ACSBG1: variants seen among roughly 807,000 people sequenced by gnomAD.
ACSBG1 encodes the protein long-chain-fatty-acid--CoA ligase ACSBG1.
ACSBG1 carries 39 observed loss-of-function variants against 80.2 expected under a neutral mutation model. The observed-to-expected ratio is 0.49, with a 90% CI of 0.38 to 0.64. The LOEUF (loss-of-function observed/expected upper bound fraction) is 0.64, where lower values mean the gene tolerates loss of function less well. ACSBG1 is among the 30% of genes least tolerant of loss of function. ACSBG1 has a pLI of 0.00. For synonymous variants in ACSBG1, 392 were observed against 379.5 expected (o/e 1.03, Z -0.38); for missense variants, 828 against 966.4 (o/e 0.86, Z 1.90).
intron 1 of ACSBG1, among the ~76,000 whole-genome samples, chr15:78,215,724 G>GAGAAAGAAAGAAAGGAAGAA (rs1555434002): frequency 4.3e-5 from 5 of 116,554 alleles, no homozygotes; most frequent in African/African-American, 1.6e-4. Flanking sequence ...AAGAAAGAAA[G>GAGAAAGAAAGAAAGGAAGAA]AGAAAGAAAG....
intron 2 of ACSBG1, 75 bp from the exon 3 acceptor site, chr15:78,194,801 A>G (rs923350531): frequency 2.0e-6 from 3 of 1,468,630 alleles, no homozygotes; most frequent in Non-Finnish European, 2.8e-6. Context: ...CAGAGCTCGC[A>G]GCCCGTCTGG....
chr15:78,188,695 A>AC (rs1334414829), intron 5 of ACSBG1, among the ~76,000 whole-genome samples: 7 of 143,256 alleles, frequency 4.9e-5, no homozygotes, highest in African/African-American at 1.6e-4. Flanking sequence ...TAAAGACTTA[A>AC]ACGTTAGACC....
At chr15:78,193,679 C>T in intron 4 of ACSBG1, 53 bp from the exon 5 acceptor site, 3 of 1,571,354 alleles carry the variant, frequency 1.9e-6, no homozygotes, top group Non-Finnish European at 2.6e-6. Flanking sequence ...GGGGCCACCC[C>T]CTTCCCCCAC....
Position 78,178,483 on chromosome 15 carries a change from G to T in ACSBG1, c.1702+131C>A, listed in dbSNP as rs1204302735. 4.0e-6 allele frequency: 4 copies of T among 999,848 alleles called. No individual in the cohort carries two copies. Among genetic ancestry groups the T allele is most frequent in the Non-Finnish European group, 5.7e-6 (4 of 706,896 alleles). 61.9% of individuals were successfully genotyped at this position (999,848 alleles called of 1,614,324 possible). A position where few individuals can be genotyped will look rare whatever the true frequency, so the allele number is the denominator to read the frequency against. On this transcript the variant is annotated intron_variant, in intron 11 of 13. Coordinates refer to ENST00000258873, the MANE Select transcript of ACSBG1 (RefSeq NM_015162.5). The surrounding 1 kb of genome is among the most constrained non-coding windows in gnomAD (Gnocchi z 4.3). The stretch of plus-strand genomic sequence containing the variant: ...CCAGCTAATTTTTCGTGTGTTTTTA[G>T]TAGAGATGGGGTTTCGCTGTGCTGC...
chr15:78,182,406 G>A, intron 7 of ACSBG1, 60 bp downstream of exon 7: 2 of 1,592,406 alleles, frequency 1.3e-6, no homozygotes, highest in Admixed American at 3.5e-5. Flanking sequence ...GCAGAGCCAT[G>A]GCCCAGATCC....
chr15:78,179,662 C>T lies in ACSBG1; in HGVS notation c.1372G>A (p.Glu458Lys). 6.2e-7 allele frequency: 1 copy of T among 1,614,208 alleles called. No homozygotes were observed. The highest frequency in any genetic ancestry group is 2.2e-5 in the East Asian group (1 of 44,876). Residue 458 changes from glutamate (E) to lysine (K), a missense_variant, in exon 10 of 14, where the codon GAG becomes AAG. Physicochemically the swap from Glu to Lys is moderately conservative, Grantham distance 56. Around this residue, in one of 3 missense-constraint regions of ACSBG1, gnomAD observed 271 missense variants for 375.9 expected, o/e 0.72. Transcript: ENST00000258873. ...NFYGAAPMMAETQHFFLGLNI... is the reference protein window; with the variant it reads ...NFYGAAPMMAKTQHFFLGLNI... ...AGACCCAGGAAGAAGTGCTGTGTCT[C>T]TGCCATCATGGGGGCCGCTCCATAG...
intron 3 of ACSBG1, among the ~76,000 whole-genome samples, chr15:78,194,276 C>T (rs1295262127): frequency 6.6e-6 from 1 of 152,248 alleles, no homozygotes; most frequent in Non-Finnish European, 1.5e-5. Context: ...TGAATGTGAT[C>T]ACAAATGAAA....
At chr15:78,207,917 T>TCCCCCCCACCCCCCCCCCCCCCCCCCC in intron 2 of ACSBG1, 85 bp downstream of exon 2, 1 of 876,066 alleles carries the variant, frequency 1.1e-6, no homozygotes, top group East Asian at 2.7e-5. Context: ...TGTGTGGTGG[T>TCCCCCCCACCCCCCCCCCCCCCCCCCC]CCCCCACACC....
chr15:78,182,647 G>A (rs761648880), intron 6 of ACSBG1, 32 bp from the exon 7 acceptor site: 2 of 1,613,724 alleles, frequency 1.2e-6, no homozygotes, highest in East Asian at 2.2e-5. Context: ...AGGCAGGCTA[G>A]GTCAGCTGGG....
At chr15:78,219,428 G>T (rs917129153) in intron 1 of ACSBG1, among the ~76,000 whole-genome samples, 4 of 141,722 alleles carry the variant, frequency 2.8e-5, no homozygotes, top group African/African-American at 1.0e-4. Flanking sequence ...AAAAAAAAGT[G>T]AACTTGAAGA....
At chr15:78,171,637 C>G (rs747175764) in intron 13 of ACSBG1, 108 bp from the exon 14 acceptor site, 2 of 897,018 alleles carry the variant, frequency 2.2e-6, no homozygotes. Flanking sequence ...GGAATTAAGC[C>G]AGATAATCAG....
rs554864326 is a variant in ACSBG1 at position 78,189,721 on chromosome 15, T to G, written c.663+3785A>C. ...TAGCTTTAGGAGATAGACCTAATGC[T>G]AAATGACGAGTTAATGGGTGCAGCA... On this transcript the variant is annotated intron_variant, in intron 5 of 13. Transcript: ENST00000258873. 3.5e-4 allele frequency among the ~76,000 whole-genome samples: 53 copies of G among 152,072 alleles called. No homozygotes were observed. In the Middle Eastern group the frequency reaches 0.017, roughly 49 times the overall value.
intron 5 of ACSBG1, among the ~76,000 whole-genome samples, chr15:78,190,570 T>TAA (rs374255553): frequency 1.5e-4 from 20 of 129,280 alleles, no homozygotes; most frequent in African/African-American, 5.9e-4. Context: ...GACCCTGTCT[T>TAA]AAAAAAAAAA....
rs897759338 is a variant in ACSBG1 at position 78,194,073 on chromosome 15, C to T, written c.454-53G>A. The T allele has an allele frequency of 1.0e-5, 16 of 1,572,978 alleles. No individual in the cohort carries two copies. The Admixed American group carries it at 2.2e-4, about 21-fold the overall frequency. ...TCAGCCGGGCAGGGACTGGGACCCTCATGCCCCTCTCAGAGCCCCCACCCA... is the reference window on the plus strand; with the variant it reads ...TCAGCCGGGCAGGGACTGGGACCCTTATGCCCCTCTCAGAGCCCCCACCCA... On this transcript the variant is annotated intron_variant, in intron 3 of 13. Coordinates refer to ENST00000258873, the MANE Select transcript of ACSBG1 (RefSeq NM_015162.5).
chr15:78,209,808 G>A (rs376652775), intron 1 of ACSBG1, among the ~76,000 whole-genome samples: 2 of 152,270 alleles, frequency 1.3e-5, no homozygotes, highest in African/African-American at 4.8e-5. Flanking sequence ...TCACCAGCTG[G>A]GCGGCCACCT....
intron 2 of ACSBG1, among the ~76,000 whole-genome samples, chr15:78,198,429 C>A (rs2075134773): frequency 6.6e-6 from 1 of 152,138 alleles, no homozygotes; most frequent in Admixed American, 6.5e-5. Context: ...TCACTGCAAC[C>A]TCTGCCTCCT....
At chr15:78,191,827 C>T (rs11072738) in intron 5 of ACSBG1, among the ~76,000 whole-genome samples, 73,855 of 151,864 alleles carry the variant, frequency 0.49, 18,343 homozygotes, top group African/African-American at 0.57. Flanking sequence ...TATGGGGTGA[C>T]ATAATGATTT....
At chr15:78,213,269 G>A (rs974964762) in intron 1 of ACSBG1, among the ~76,000 whole-genome samples, 2 of 152,172 alleles carry the variant, frequency 1.3e-5, no homozygotes, top group Non-Finnish European at 2.9e-5. Flanking sequence ...CCTGCGTGGC[G>A]GACCCCACGC....
intron 2 of ACSBG1, among the ~76,000 whole-genome samples, chr15:78,201,625 G>A (rs866085754): frequency 6.6e-6 from 1 of 152,206 alleles, no homozygotes; most frequent in Non-Finnish European, 1.5e-5. Context: ...CTTCTAGCCT[G>A]GGGTGTGCAA....
Sources: gnomAD v4.1 joint callset for allele counts (sites outside exome capture counted in the v4.1 genomes callset) on GRCh38, gnomAD v4.1.1 for gene constraint, gnomAD v4.1.1 regional missense constraint, Gnocchi (gnomAD v3.1) non-coding constraint, MANE v1.5 for transcripts, NCBI Gene and HGNC (gene_info 2026-07-23, HGNC 2026-07-21) for gene names.